KY: variants seen among roughly 807,000 people sequenced by gnomAD.
KY encodes the protein kyphoscoliosis peptidase.
Under a neutral mutation model 76.1 loss-of-function variants are expected in KY, and 43 were observed. That is an observed-to-expected ratio of 0.57 (90% CI 0.44 to 0.73). KY has a LOEUF of 0.73. Ranked by LOEUF, KY falls within the 30% of genes least tolerant of loss-of-function variation. The pLI, the probability that KY is intolerant of heterozygous loss-of-function variation, is 0.00. For missense variants in KY, 722 were observed against 828.9 expected (o/e 0.87, Z 1.58); for synonymous variants, 277 against 326.2 (o/e 0.85, Z 1.63).
Position 134,610,166 on chromosome 3 carries a change from C to T in KY, c.899+29G>A, listed in dbSNP as rs148817783. 2,356 of 1,592,910 alleles carry T rather than the reference C, an allele frequency of 1.5e-3. 10 individuals are homozygous for T. Among genetic ancestry groups the T allele is most frequent in the Middle Eastern group, 0.013 (76 of 5,930 alleles). On this transcript the variant is annotated intron_variant, in intron 9 of 10. Coordinates refer to ENST00000423778, the MANE Select transcript of KY (RefSeq NM_178554.6). ...ACATCCTCCACTTCCACCTGCCAGA[C>T]GCCCAGCAGAACTGAGACAAGTACT...
Position 134,650,981 on chromosome 3 carries a change from C to G in KY, c.-21G>C, listed in dbSNP as rs757831063. 1.2e-6 allele frequency: 2 copies of G among 1,612,756 alleles called. No individual in the cohort carries two copies. The highest frequency in any genetic ancestry group is 1.7e-6 in the Non-Finnish European group (2 of 1,179,306). ...TCCATGATGCCGCCTCCTTTCCGAC[C>G]TGGGCGCCGCGGCCGCACGCTAGGC... is the stretch of plus-strand genomic sequence containing the variant. On this transcript the variant is annotated 5_prime_UTR_variant, in exon 1 of 11. Coordinates refer to ENST00000423778, the MANE Select transcript of KY (RefSeq NM_178554.6).
chr3:134,648,389 C>T (rs1966692919), intron 1 of KY, among the ~76,000 whole-genome samples: 1 of 152,190 alleles, frequency 6.6e-6, no homozygotes, highest in South Asian at 2.1e-4. Context: ...CCACTTGGAA[C>T]CCTCATGACA....
intron 9 of KY, among the ~76,000 whole-genome samples, chr3:134,609,519 C>T (rs4605591): frequency 0.62 from 94,913 of 152,024 alleles, 30,114 homozygotes; most frequent in East Asian, 0.87. Flanking sequence ...ATCGAGAGAG[C>T]ACACTCATGT....
At chr3:134,608,931 G>C (rs1241540063) in intron 9 of KY, 92 bp from the exon 10 acceptor site, 1 of 1,417,260 alleles carries the variant, frequency 7.1e-7, no homozygotes, top group African/African-American at 1.4e-5. Flanking sequence ...GGACACCCTG[G>C]ATGGGAAGAG....
chr3:134,613,989 C>T (rs1373358773), intron 8 of KY, among the ~76,000 whole-genome samples: 1 of 152,154 alleles, frequency 6.6e-6, no homozygotes, highest in Non-Finnish European at 1.5e-5. Context: ...TACAACGCAA[C>T]ACAATGTAAC....
chr3:134,620,115 G>A (rs1962343434), intron 7 of KY: 1 of 152,484 alleles, frequency 6.6e-6, no homozygotes, highest in South Asian at 2.1e-4. Flanking sequence ...ATTTGTGTTT[G>A]CAAGGCGGCA....
intron 8 of KY, among the ~76,000 whole-genome samples, chr3:134,617,425 C>A (rs912584019): frequency 6.6e-6 from 1 of 151,936 alleles, no homozygotes; most frequent in Non-Finnish European, 1.5e-5. Context: ...GATGGGTATT[C>A]GCAGGGGAGG....
rs879526240 is a variant in KY at position 134,608,632 on chromosome 3, A to G, written c.1090+17T>C. The G allele has an allele frequency of 2.5e-6, 4 of 1,613,956 alleles. No individual in the cohort carries two copies. Among genetic ancestry groups the G allele is most frequent in the Non-Finnish European group, 3.4e-6 (4 of 1,179,880 alleles). ...CCATTCCTGCTGCTAGCACACTGGC[A>G]CCTGCTCCGGGCTCACCTGTTCTGA... On this transcript the variant is annotated intron_variant, in intron 10 of 10. Transcript: ENST00000423778.
At chr3:134,633,464 T>G (rs1964499526) in intron 3 of KY, among the ~76,000 whole-genome samples, 1 of 152,108 alleles carries the variant, frequency 6.6e-6, no homozygotes, top group South Asian at 2.1e-4. Flanking sequence ...AATCAATGAA[T>G]GTAATTCACC....
chr3:134,608,454 T>A, intron 10 of KY, 195 bp downstream of exon 10: 1 of 1,523,602 alleles, frequency 6.6e-7, no homozygotes, highest in Non-Finnish European at 8.8e-7. Context: ...CCTATGGCCC[T>A]TCCCTGCCCT....
chr3:134,622,944 G>A (rs1962889696), intron 6 of KY, among the ~76,000 whole-genome samples: 1 of 152,150 alleles, frequency 6.6e-6, no homozygotes, highest in Admixed American at 6.6e-5. Context: ...CAGCACACTG[G>A]CACTCTGACC....
At chr3:134,604,838 G>A (rs1959142969) in intron 10 of KY, among the ~76,000 whole-genome samples, 1 of 152,216 alleles carries the variant, frequency 6.6e-6, no homozygotes, top group African/African-American at 2.4e-5. Context: ...TCATGGGTCA[G>A]GAGGGGCACC....
intron 10 of KY, 42 bp downstream of exon 10, chr3:134,608,607 C>T: frequency 1.2e-6 from 2 of 1,613,840 alleles, no homozygotes; most frequent in Non-Finnish European, 1.7e-6. Flanking sequence ...GCGAAATGCT[C>T]CATTCCTGCT....
chr3:134,621,531 T>G (rs1962614163), intron 6 of KY, among the ~76,000 whole-genome samples: 1 of 152,194 alleles, frequency 6.6e-6, no homozygotes, highest in Non-Finnish European at 1.5e-5. Flanking sequence ...AGAATAAACT[T>G]GGATCTCTAC....
chr3:134,644,115 G>T (rs951180221), intron 2 of KY, among the ~76,000 whole-genome samples: 4 of 152,158 alleles, frequency 2.6e-5, no homozygotes, highest in African/African-American at 9.7e-5. Context: ...GTGAGCCACC[G>T]CGCCCGGCCG....
intron 9 of KY, 73 bp from the exon 10 acceptor site, chr3:134,608,912 TG>T: frequency 6.6e-7 from 1 of 1,508,344 alleles, no homozygotes. Flanking sequence ...CCCACCGGAG[TG>T]GTCCTATGGA....
intron 3 of KY, 38 bp downstream of exon 3, chr3:134,643,278 T>C: frequency 6.2e-7 from 1 of 1,607,216 alleles, no homozygotes; most frequent in South Asian, 1.1e-5. Context: ...TGGGCACACC[T>C]CTGCAGGGGA....
At chr3:134,648,742 A>C (rs972641186) in intron 1 of KY, among the ~76,000 whole-genome samples, 3 of 152,026 alleles carry the variant, frequency 2.0e-5, no homozygotes, top group African/African-American at 7.2e-5. Context: ...TTCCAGCAGA[A>C]GGCCCTTCCA....
intron 3 of KY, among the ~76,000 whole-genome samples, chr3:134,635,884 G>A (rs571259210): frequency 4.2e-4 from 64 of 152,208 alleles, no homozygotes; most frequent in Admixed American, 2.4e-3. Context: ...ATCCAAAGCC[G>A]ATTATAGTAA....
Sources: gnomAD v4.1 joint callset for allele counts (sites outside exome capture counted in the v4.1 genomes callset) on GRCh38, gnomAD v4.1.1 for gene constraint, MANE v1.5 for transcripts, NCBI Gene and HGNC (gene_info 2026-07-23, HGNC 2026-07-21) for gene names.